KIF13B: variants seen among roughly 807,000 people sequenced by gnomAD.
KIF13B encodes kinesin family member 13B.
KIF13B carries 127 observed loss-of-function variants against 222.0 expected under a neutral mutation model. The ratio of observed to expected loss-of-function variants is 0.57; its 90% CI spans 0.50 to 0.66. The LOEUF (loss-of-function observed/expected upper bound fraction) is 0.66, where lower values mean the gene tolerates loss of function less well. Among genes scored for constraint, KIF13B ranks in the 30% least tolerant of loss-of-function variants. The pLI, the probability that KIF13B is intolerant of heterozygous loss-of-function variation, is 0.00. For missense variants in KIF13B, 2,173 were observed against 2,379.0 expected, an observed-to-expected ratio of 0.91 and a Z score of 1.80; for synonymous variants, 976 against 919.0, an observed-to-expected ratio of 1.06 and a Z score of -1.12.
intron 2 of KIF13B, among the ~76,000 whole-genome samples, chr8:29,223,121 C>T (rs1430154913): frequency 6.8e-6 from 1 of 146,056 alleles, no homozygotes; most frequent in Non-Finnish European, 1.5e-5. Flanking sequence ...AGTTTGAGAC[C>T]AGCCTGGACA....
At chr8:29,115,158 G>A (rs1273234092) in intron 31 of KIF13B, among the ~76,000 whole-genome samples, 1 of 152,030 alleles carries the variant, frequency 6.6e-6, no homozygotes, top group Non-Finnish European at 1.5e-5. Flanking sequence ...ATTACATCTA[G>A]GAGTCTGTCA....
At chr8:29,130,686 T>C (rs1437984592) in intron 23 of KIF13B, 21 bp from the exon 24 acceptor site, 2 of 1,613,014 alleles carry the variant, frequency 1.2e-6, no homozygotes, top group Non-Finnish European at 1.7e-6. Context: ...AGCGAAGTTC[T>C]TGGAAAATCA....
At chr8:29,191,305 TCA>T (rs1813173807) in intron 3 of KIF13B, among the ~76,000 whole-genome samples, 1 of 152,192 alleles carries the variant, frequency 6.6e-6, no homozygotes, top group Admixed American at 6.5e-5. Flanking sequence ...GCACCTACAG[TCA>T]CACACACAGA....
intron 14 of KIF13B, among the ~76,000 whole-genome samples, chr8:29,152,409 G>A (rs1482975965): frequency 6.6e-6 from 1 of 152,102 alleles, no homozygotes; most frequent in Non-Finnish European, 1.5e-5. Context: ...CAGAGAAATC[G>A]TTCTTGAAAG....
At chr8:29,074,382 C>T (rs528859567) in intron 38 of KIF13B, among the ~76,000 whole-genome samples, 14 of 152,358 alleles carry the variant, frequency 9.2e-5, no homozygotes, top group African/African-American at 3.4e-4. Flanking sequence ...CACAGACTGG[C>T]ACTCCAGGCC....
At chr8:29,123,806 A>G (rs1258155328) in intron 27 of KIF13B, among the ~76,000 whole-genome samples, 2 of 152,116 alleles carry the variant, frequency 1.3e-5, no homozygotes, top group African/African-American at 4.8e-5. Context: ...TGTGCACTGT[A>G]TTTGCTCTTT....
Position 29,146,101 on chromosome 8 carries a change from A to C in KIF13B, c.2187+277T>G, listed in dbSNP as rs963533224. ...GAAGATTAATCAGAAAAGACTTCTA[A>C]GAAAGAATTTAAACAGATTTGAAGG... On this transcript the variant is annotated intron_variant, in intron 18 of 39. Transcript: ENST00000524189. 5.2e-6 allele frequency: 3 copies of C among 578,674 alleles called. No homozygotes were observed. The African/African-American group carries it at 5.6e-5, about 11-fold the overall frequency. 35.8% of individuals were successfully genotyped at this position (578,674 alleles called of 1,614,324 possible). A position where few individuals can be genotyped will look rare whatever the true frequency, so the allele number is the denominator to read the frequency against.
In KIF13B at chr8:29,070,394, G is replaced by T; in HGVS notation, c.*110C>A. ...CTGTGTCGTGCAAAAAGCATTCATCGCCCTGCCCCTGGGGAAGGGGCCACC... is the reference window on the plus strand; with the variant it reads ...CTGTGTCGTGCAAAAAGCATTCATCTCCCTGCCCCTGGGGAAGGGGCCACC... On this transcript the variant is annotated 3_prime_UTR_variant, in exon 40 of 40. Transcript: ENST00000524189. This position sits in a 1 kb window ranked among gnomAD's most constrained non-coding sequence, Gnocchi z 4.1. 8.1e-7 allele frequency: 1 copy of T among 1,227,894 alleles called. No individual in the cohort carries two copies. Among genetic ancestry groups the T allele is most frequent in the Non-Finnish European group, 1.1e-6 (1 of 873,772 alleles). The allele number at this position is 1,227,894 out of a possible 1,614,324, so 76.1% of individuals were successfully genotyped here.
intron 18 of KIF13B, among the ~76,000 whole-genome samples, chr8:29,143,857 T>C (rs571661130): frequency 1.3e-5 from 2 of 151,374 alleles, no homozygotes; most frequent in South Asian, 2.1e-4. Flanking sequence ...AAAATAATAA[T>C]AATAAAATTA....
chr8:29,141,110 G>A (rs930837686), intron 19 of KIF13B, among the ~76,000 whole-genome samples: 1 of 151,856 alleles, frequency 6.6e-6, no homozygotes, highest in African/African-American at 2.4e-5. Context: ...AAGGCAGGCG[G>A]GTCACCTGAG....
intron 2 of KIF13B, among the ~76,000 whole-genome samples, chr8:29,227,564 T>G (rs1815080247): frequency 6.6e-6 from 1 of 152,188 alleles, no homozygotes; most frequent in African/African-American, 2.4e-5. Flanking sequence ...GATAATCCTA[T>G]GTATTTTATG....
At chr8:29,098,676 T>C (rs1248526273) in intron 36 of KIF13B, among the ~76,000 whole-genome samples, 1 of 150,278 alleles carries the variant, frequency 6.7e-6, no homozygotes, top group Non-Finnish European at 1.5e-5. Context: ...GCCCGGATCA[T>C]GTAACTACGG....
chr8:29,160,005 CTG>C (rs1268524102), intron 13 of KIF13B, among the ~76,000 whole-genome samples: 1 of 152,216 alleles, frequency 6.6e-6, no homozygotes, highest in Non-Finnish European at 1.5e-5. Context: ...GTTATCAACT[CTG>C]TGTTAGAGTC....
intron 12 of KIF13B, among the ~76,000 whole-genome samples, chr8:29,165,055 C>A (rs1481365360): frequency 6.6e-6 from 1 of 152,134 alleles, no homozygotes. Context: ...GACATGTTAG[C>A]CAGGCTGGGC....
intron 7 of KIF13B, among the ~76,000 whole-genome samples, chr8:29,180,588 T>C (rs991726004): frequency 1.2e-4 from 19 of 152,238 alleles, no homozygotes; most frequent in African/African-American, 3.6e-4. Context: ...AATACAAATT[T>C]ATTGTTAAAT....
At chr8:29,137,724 C>T (rs1328583181) in intron 21 of KIF13B, among the ~76,000 whole-genome samples, 2 of 152,232 alleles carry the variant, frequency 1.3e-5, no homozygotes, top group East Asian at 3.8e-4. Context: ...CTAAAAACCA[C>T]TTCCCACTGA....
chr8:29,148,537 A>T, intron 16 of KIF13B, 40 bp downstream of exon 16: 8 of 1,482,058 alleles, frequency 5.4e-6, no homozygotes, highest in Non-Finnish European at 7.3e-6. Flanking sequence ...AGCCTCTACC[A>T]ACTGGAACTG....
intron 4 of KIF13B, chr8:29,189,172 C>T (rs1369036946): frequency 6.6e-6 from 1 of 152,150 alleles, no homozygotes; most frequent in Non-Finnish European, 1.5e-5. Flanking sequence ...TGTCACTAGT[C>T]AGTAATTGAA....
intron 38 of KIF13B, 58 bp from the exon 39 acceptor site, chr8:29,072,374 G>A: frequency 8.2e-7 from 1 of 1,215,836 alleles, no homozygotes; most frequent in Non-Finnish European, 1.1e-6. Flanking sequence ...CACGAACCAA[G>A]CAGGCAGCTT....
Sources: gnomAD v4.1 joint callset for allele counts (sites outside exome capture counted in the v4.1 genomes callset) on GRCh38, gnomAD v4.1.1 for gene constraint, Gnocchi (gnomAD v3.1) non-coding constraint, MANE v1.5 for transcripts, NCBI Gene and HGNC (gene_info 2026-07-23, HGNC 2026-07-21) for gene names.